PARD3B: variants seen among roughly 807,000 people sequenced by gnomAD.
The protein encoded by PARD3B is par-3 family cell polarity regulator beta.
In PARD3B, 103 loss-of-function variants were observed where a neutral mutation model predicts 130.2. The observed-to-expected ratio is 0.79, with a 90% CI of 0.67 to 0.93. The LOEUF (loss-of-function observed/expected upper bound fraction) is 0.93. Ranked by LOEUF, PARD3B falls within the 40% of genes least tolerant of loss-of-function variation. The probability of loss-of-function intolerance (pLI) is 0.00; values close to 1 mark genes in which losing one functional copy is unlikely to be tolerated. For synonymous variants in PARD3B, 583 were observed against 553.2 expected, an observed-to-expected ratio of 1.05 and a Z score of -0.76; for missense variants, 1,609 against 1,499.2, an observed-to-expected ratio of 1.07 and a Z score of -1.21.
At chr2:205,255,938 C>G (rs371768695) in intron 16 of PARD3B, among the ~76,000 whole-genome samples, 45 of 152,088 alleles carry the variant, frequency 3.0e-4, no homozygotes, top group African/African-American at 1.1e-3. Context: ...TTTTCTCTCT[C>G]TCCGGCTTAG....
rs559591959 is a variant in PARD3B, at chr2:205,584,994, G to A, written c.3261-30462G>A. ...GTTGAAGGCACAGGTGTCTAATTGC[G>A]CCCACAAATGACCGTTTGACAGGCA... On this transcript the variant is annotated intron_variant, in intron 22 of 22. Coordinates refer to ENST00000406610, the MANE Select transcript of PARD3B (RefSeq NM_001302769.2). This position sits in a 1 kb window ranked among gnomAD's most constrained non-coding sequence, Gnocchi z 5.5. 2.4e-4 allele frequency among the ~76,000 whole-genome samples: 37 copies of A among 152,160 alleles called. No homozygotes were observed. The highest frequency in any genetic ancestry group is 7.5e-4 in the African/African-American group (31 of 41,514).
chr2:205,392,385 G>A (rs1347427980), intron 18 of PARD3B, among the ~76,000 whole-genome samples: 1 of 152,144 alleles, frequency 6.6e-6, no homozygotes, highest in East Asian at 1.9e-4. Flanking sequence ...GAGAAAAGTA[G>A]CTGCTACATC....
At chr2:205,369,153 A>C (rs914097263) in intron 18 of PARD3B, among the ~76,000 whole-genome samples, 2 of 152,222 alleles carry the variant, frequency 1.3e-5, no homozygotes, top group African/African-American at 4.8e-5. Flanking sequence ...AAGAATGTGC[A>C]ACTATCTACT....
At position 205,324,472 on chromosome 2, in the gene PARD3B, C is replaced by T. The variant is rs576143722; in HGVS notation, c.2630+22771C>T. On this transcript the variant is annotated intron_variant, in intron 18 of 22. Coordinates refer to ENST00000406610, the MANE Select transcript of PARD3B (RefSeq NM_001302769.2). ...TGCAAATTACTGTTCAAGAAAGTAA[C>T]TGAAATTTCCTTTCTTGAAAGGGCA... 2.0e-5 allele frequency among the ~76,000 whole-genome samples: 3 copies of T among 152,192 alleles called. No homozygotes were observed. The South Asian group carries it at 6.2e-4, about 32-fold the overall frequency.
Position 204,943,146 on chromosome 2 carries a change from ATGTG to A in PARD3B, c.223-22002_223-21999del, listed in dbSNP as rs150230001. On this transcript the variant is annotated intron_variant, in intron 2 of 22. Coordinates refer to ENST00000406610, the MANE Select transcript of PARD3B (RefSeq NM_001302769.2). The surrounding 1 kb of genome is among the most constrained non-coding windows in gnomAD (Gnocchi z 4.2). ...AAGAAAGAAGTTTTTCACATTCTTA[ATGTG>A]TGTATGTGTGTGTGTGTATGTGTAT... is the stretch of plus-strand genomic sequence containing the variant. Among the ~76,000 whole-genome samples the A allele has an allele frequency of 0.017, 2,607 of 152,110 alleles. 73 individuals carry two copies. The highest frequency in any genetic ancestry group is 0.06 in the African/African-American group (2,478 of 41,490).
chr2:205,186,925 A>G (rs1269448777), intron 14 of PARD3B, among the ~76,000 whole-genome samples: 1 of 152,200 alleles, frequency 6.6e-6, no homozygotes, highest in African/African-American at 2.4e-5. Flanking sequence ...ACATAATTTC[A>G]TTTGTTCTAC....
Position 204,787,915 on chromosome 2 carries a change from C to T in PARD3B, c.222+101633C>T, listed in dbSNP as rs530671605. On this transcript the variant is annotated intron_variant, in intron 2 of 22. Transcript: ENST00000406610. ...GTGTGGCTATTGAACTGGATTTGTCCATTGATCCTACCAGACGGAGCTCCT... is the reference window on the plus strand; with the variant it reads ...GTGTGGCTATTGAACTGGATTTGTCTATTGATCCTACCAGACGGAGCTCCT... Among the ~76,000 whole-genome samples, 78 of 152,240 alleles carry T rather than the reference C, an allele frequency of 5.1e-4. 1 individual carries two copies. Among genetic ancestry groups the T allele is most frequent in the Middle Eastern group, 6.8e-3 (2 of 294 alleles).
intron 16 of PARD3B, among the ~76,000 whole-genome samples, chr2:205,261,399 A>G (rs867168243): frequency 1.3e-5 from 2 of 152,178 alleles, no homozygotes; most frequent in Non-Finnish European, 2.9e-5. Context: ...GAGTGAATGA[A>G]TGAATGAATG....
At chr2:205,208,543 A>G (rs1307097959) in intron 15 of PARD3B, among the ~76,000 whole-genome samples, 12 of 144,564 alleles carry the variant, frequency 8.3e-5, no homozygotes, top group Non-Finnish European at 1.5e-4. Context: ...AAATCAATGT[A>G]CAAAAATCAC....
chr2:205,381,135 A>G (rs2045416626), intron 18 of PARD3B, among the ~76,000 whole-genome samples: 1 of 68,558 alleles, frequency 1.5e-5, no homozygotes, highest in South Asian at 7.3e-4. Context: ...TTATATATAA[A>G]GAATATATAA....
chr2:204,965,267 C>T lies in PARD3B; in HGVS notation c.338C>T (p.Ala113Val), dbSNP rs1190639183. 6.2e-7 allele frequency: 1 copy of T among 1,613,880 alleles called. No homozygotes were observed. The highest frequency in any genetic ancestry group is 2.2e-5 in the East Asian group (1 of 44,870). Residue 113 changes from alanine (A) to valine (V), a missense_variant, in exon 3 of 23, where the codon GCC (alanine) becomes GTC (valine). Coordinates refer to ENST00000406610, the MANE Select transcript of PARD3B (RefSeq NM_001302769.2). ...AFETEVAAQL[A>V]AFKPIGGEIE... ...GAGACAGAAGTGGCCGCCCAACTGG[C>T]CGCATTTAAGCCAATTGGTGGGGAG...
At chr2:204,837,899 T>C (rs1173712116) in intron 2 of PARD3B, among the ~76,000 whole-genome samples, 1 of 152,146 alleles carries the variant, frequency 6.6e-6, no homozygotes, top group African/African-American at 2.4e-5. Flanking sequence ...AACTTTTGTT[T>C]CTAAGGCTCA....
Position 205,291,920 on chromosome 2 carries a change from A to T in PARD3B, c.2186-8610A>T, listed in dbSNP as rs1041553340. On this transcript the variant is annotated intron_variant, in intron 16 of 22. Transcript: ENST00000406610. The surrounding 1 kb of genome is among the most constrained non-coding windows in gnomAD (Gnocchi z 4.6). ...CAATGGAAGAATGACTCTGAAGGCA[A>T]TTCAGTGATCATCAGGACAATCCTT... Among the ~76,000 whole-genome samples the T allele has an allele frequency of 6.6e-6, 1 of 152,228 alleles. No homozygotes were observed. Among genetic ancestry groups the T allele is most frequent in the African/African-American group, 2.4e-5 (1 of 41,466 alleles).
In PARD3B at chr2:205,241,674, T is replaced by TA. The variant is rs2039359770; in HGVS notation, c.2141-4103dup. Among the ~76,000 whole-genome samples the TA allele has an allele frequency of 6.6e-6, 1 of 152,190 alleles. No homozygotes were observed. Among genetic ancestry groups the TA allele is most frequent in the African/African-American group, 2.4e-5 (1 of 41,470 alleles). On this transcript the variant is annotated intron_variant, in intron 15 of 22. Coordinates refer to ENST00000406610, the MANE Select transcript of PARD3B (RefSeq NM_001302769.2). This position sits in a 1 kb window ranked among gnomAD's most constrained non-coding sequence, Gnocchi z 4.2. The stretch of plus-strand genomic sequence containing the variant: ...GACTCTTGCTCCATCAACACTCTCT[T>TA]ACTCAATGCTTTTAATTAATACTTT...
intron 15 of PARD3B, among the ~76,000 whole-genome samples, chr2:205,240,773 G>A (rs764897569): frequency 8.5e-5 from 13 of 152,142 alleles, no homozygotes; most frequent in African/African-American, 2.7e-4. Context: ...TATAGAATGC[G>A]TATCAAATGC....
chr2:205,424,083 G>T (rs918645773), intron 19 of PARD3B, among the ~76,000 whole-genome samples: 1 of 152,060 alleles, frequency 6.6e-6, no homozygotes, highest in East Asian at 1.9e-4. Context: ...GAACTTAAAA[G>T]TTTTTAAAAA....
intron 1 of PARD3B, among the ~76,000 whole-genome samples, chr2:204,617,780 A>T (rs1159755596): frequency 6.6e-6 from 1 of 152,170 alleles, no homozygotes; most frequent in Non-Finnish European, 1.5e-5. Flanking sequence ...TCCACTTATA[A>T]GTGACAGTAT....
chr2:205,200,471 C>G (rs2036928475), intron 15 of PARD3B, among the ~76,000 whole-genome samples: 1 of 152,174 alleles, frequency 6.6e-6, no homozygotes, highest in Non-Finnish European at 1.5e-5. Context: ...GCACTCTTCA[C>G]AAATTTTCAA....
intron 1 of PARD3B, among the ~76,000 whole-genome samples, chr2:204,553,757 T>A (rs2030715448): frequency 6.8e-6 from 1 of 146,688 alleles, no homozygotes; most frequent in Admixed American, 6.8e-5. Flanking sequence ...TTAATGGCAT[T>A]TGCAGCAACC....
Sources: allele counts gnomAD v4.1 joint callset (sites outside exome capture counted in the v4.1 genomes callset), GRCh38; gene constraint gnomAD v4.1.1; non-coding constraint Gnocchi (gnomAD v3.1); transcripts MANE v1.5; gene names NCBI Gene and HGNC (gene_info 2026-07-23, HGNC 2026-07-21).